Variants in CGNL1 observed in about 807,000 individuals in gnomAD.
CGNL1 encodes cingulin like 1.
Under a neutral mutation model 141.2 loss-of-function variants are expected in CGNL1, and 132 were observed. The observed-to-expected ratio is 0.93, with a 90% confidence interval of 0.81 to 1.08. CGNL1 has a LOEUF of 1.08. CGNL1 is among the 50% of genes least tolerant of loss of function. CGNL1 has a pLI of 0.00. For missense variants in CGNL1, 1,870 were observed against 1,588.6 expected (o/e 1.18, Z -3.01); for synonymous variants, 690 against 622.1 (o/e 1.11, Z -1.63).
At chr15:57,471,160 G>T (rs1426372656) in intron 8 of CGNL1, among the ~76,000 whole-genome samples, 2 of 152,178 alleles carry the variant, frequency 1.3e-5, no homozygotes, top group African/African-American at 2.4e-5. Flanking sequence ...TTTCCAGAGC[G>T]TAGGAGCTCA....
chr15:57,387,945 C>A (rs61488086), intron 1 of CGNL1, among the ~76,000 whole-genome samples: 15,202 of 152,174 alleles, frequency 0.1, 1,156 homozygotes, highest in African/African-American at 0.21. Context: ...GGCTATCCTG[C>A]CCCCCTCAGC....
intron 1 of CGNL1, chr15:57,405,937 A>C (rs1331455497): frequency 6.6e-6 from 1 of 151,170 alleles, no homozygotes; most frequent in Non-Finnish European, 1.5e-5. Context: ...GCTTAATACA[A>C]ATAAATGCCT....
intron 1 of CGNL1, among the ~76,000 whole-genome samples, chr15:57,381,981 C>T (rs1481227271): frequency 2.0e-5 from 3 of 152,142 alleles, no homozygotes; most frequent in Non-Finnish European, 4.4e-5. Context: ...GTTAGAGAGA[C>T]GTGATTTCCA....
At chr15:57,470,948 G>A (rs1165243892) in intron 8 of CGNL1, among the ~76,000 whole-genome samples, 3 of 152,152 alleles carry the variant, frequency 2.0e-5, no homozygotes, top group African/African-American at 4.8e-5. Flanking sequence ...AGAAAGAAAC[G>A]TTCCTCTTCG....
intron 1 of CGNL1, among the ~76,000 whole-genome samples, chr15:57,400,013 T>A (rs1424563201): frequency 3.4e-5 from 4 of 117,874 alleles, no homozygotes; most frequent in Admixed American, 1.8e-4. Context: ...TTTTTTTTTT[T>A]AATGGGGTCT....
intron 14 of CGNL1, among the ~76,000 whole-genome samples, chr15:57,541,594 TC>T (rs2032567188): frequency 6.6e-6 from 1 of 152,234 alleles, no homozygotes; most frequent in South Asian, 2.1e-4. Context: ...CTGGCATTTT[TC>T]CCTTCTCTAT....
In CGNL1 at chr15:57,403,806, T is replaced by C. The variant is rs571180397; in HGVS notation, c.-16+27239T>C. ...TCCAGTGGGTTTTAATGGCCGTGTC[T>C]AGAGAGGCACTCCTGCTCTGTACAA... On this transcript the variant is annotated intron_variant, in intron 1 of 18. Transcript: ENST00000281282. Among the ~76,000 whole-genome samples the C allele has an allele frequency of 6.1e-4, 93 of 152,326 alleles. 1 individual carries two copies. Among genetic ancestry groups the C allele is most frequent in the South Asian group, 2.3e-3 (11 of 4,824 alleles).
chr15:57,488,161 A>G (rs1165710458), intron 8 of CGNL1, among the ~76,000 whole-genome samples: 2 of 152,186 alleles, frequency 1.3e-5, no homozygotes, highest in Admixed American at 6.5e-5. Flanking sequence ...AATGATATCA[A>G]GTATCTTTTC....
At chr15:57,419,235 T>C (rs1380291966) in intron 1 of CGNL1, among the ~76,000 whole-genome samples, 1 of 152,176 alleles carries the variant, frequency 6.6e-6, no homozygotes, top group Non-Finnish European at 1.5e-5. Flanking sequence ...GGCCTCCCTT[T>C]TCTTGACATT....
chr15:57,534,931 G>A (rs536934602), intron 14 of CGNL1, among the ~76,000 whole-genome samples: 1 of 152,212 alleles, frequency 6.6e-6, no homozygotes, highest in Non-Finnish European at 1.5e-5. Flanking sequence ...CTCCTTTGCG[G>A]AATCTTTGCT....
intron 1 of CGNL1, chr15:57,402,105 A>C (rs1884399881): frequency 6.6e-6 from 1 of 152,098 alleles, no homozygotes; most frequent in South Asian, 2.1e-4. Flanking sequence ...TCTCATGTTG[A>C]ATTGTAATCC....
rs145838565 is a variant in CGNL1 at position 57,439,429 on chromosome 15, A to T, written c.1430A>T (p.Gln477Leu). The T allele has an allele frequency of 6.2e-7, 1 of 1,614,108 alleles. No homozygotes were observed. Among genetic ancestry groups the T allele is most frequent in the African/African-American group, 1.3e-5 (1 of 74,932 alleles). Reference protein sequence around the residue: ...DGKVLETEGSQESTVIRAPSL... With the variant: ...DGKVLETEGSLESTVIRAPSL... ...AAAGTTCTGGAAACCGAAGGTAGTCAGGAAAGTACAGTGATCCGTGCGCCC... is the reference window on the plus strand; with the variant it reads ...AAAGTTCTGGAAACCGAAGGTAGTCTGGAAAGTACAGTGATCCGTGCGCCC... The change falls in exon 2 of 19, where the codon CAG becomes CTG. Residue 477 changes from glutamine to leucine, a missense_variant. Physicochemically the swap from Gln to Leu is moderately radical, Grantham distance 113. Coordinates refer to ENST00000281282, the MANE Select transcript of CGNL1 (RefSeq NM_032866.5).
chr15:57,409,074 T>TACAC (rs1567099022), intron 1 of CGNL1, among the ~76,000 whole-genome samples: 2 of 45,306 alleles, frequency 4.4e-5, no homozygotes, highest in African/African-American at 1.4e-4. Flanking sequence ...CACACACACA[T>TACAC]TGCCTTTTGA....
chr15:57,447,805 C>CGTGT (rs3985737), intron 4 of CGNL1, among the ~76,000 whole-genome samples: 6,859 of 144,320 alleles, frequency 0.048, 312 homozygotes, highest in African/African-American at 0.11. Flanking sequence ...TCTCTCTTTT[C>CGTGT]GTGTGTGTGT....
chr15:57,516,917 G>C lies in CGNL1; in HGVS notation c.2541G>C (p.Gln847His), dbSNP rs527494136. 9.3e-6 allele frequency: 15 copies of C among 1,613,630 alleles called. No individual in the cohort carries two copies. In the South Asian group the frequency reaches 1.4e-4, roughly 15 times the overall value. Reference protein sequence around the residue: ...RSEELERRVAQLQRQIEDLKG... With the variant: ...RSEELERRVAHLQRQIEDLKG... Reference sequence around the variant, plus strand: ...AAGAGCTGGAGCGGAGAGTTGCTCAGCTTCAAAGGCAGATCGAGGACCTGA... The same window carrying C: ...AAGAGCTGGAGCGGAGAGTTGCTCACCTTCAAAGGCAGATCGAGGACCTGA... Residue 847 changes from glutamine to histidine, a missense_variant, in exon 9 of 19, where the codon CAG becomes CAC. By Grantham distance (24) the Gln-to-His change is conservative. Transcript: ENST00000281282.
intron 14 of CGNL1, among the ~76,000 whole-genome samples, chr15:57,542,277 T>C (rs2032608348): frequency 6.6e-6 from 1 of 152,206 alleles, no homozygotes; most frequent in Admixed American, 6.5e-5. Context: ...TGGGGCTGTG[T>C]GTGTACCTCT....
intron 8 of CGNL1, among the ~76,000 whole-genome samples, chr15:57,510,151 G>A (rs1453597360): frequency 2.6e-5 from 4 of 152,196 alleles, no homozygotes; most frequent in Admixed American, 6.5e-5. Context: ...AACCACAGCC[G>A]GTAAGCTGTG....
intron 1 of CGNL1, among the ~76,000 whole-genome samples, chr15:57,436,764 G>A (rs1403400161): frequency 2.0e-5 from 3 of 152,036 alleles, no homozygotes; most frequent in Non-Finnish European, 4.4e-5. Context: ...ATAAATCCAG[G>A]AGCTAGTTCT....
intron 1 of CGNL1, 120 bp from the exon 2 acceptor site, chr15:57,437,865 T>C: frequency 2.0e-6 from 2 of 1,020,870 alleles, no homozygotes; most frequent in South Asian, 3.2e-5. Context: ...GTCTTTGCTG[T>C]TTAAAATGTC....
Sources: allele counts gnomAD v4.1 joint callset (sites outside exome capture counted in the v4.1 genomes callset), GRCh38; gene constraint gnomAD v4.1.1; transcripts MANE v1.5; gene names NCBI Gene and HGNC (gene_info 2026-07-23, HGNC 2026-07-21).